Variants in FSTL5 observed in about 807,000 individuals in gnomAD.
The protein encoded by FSTL5 is follistatin like 5, also known as follistatin-related protein 5.
A neutral mutation model predicts 89.1 loss-of-function variants in FSTL5; 62 were observed. That is an observed-to-expected ratio of 0.70 (90% confidence interval 0.57 to 0.86). FSTL5 has a LOEUF of 0.86. FSTL5 is among the 40% of genes least tolerant of loss of function. The probability of loss-of-function intolerance (pLI) is 0.00; values close to 1 mark genes in which losing one functional copy is unlikely to be tolerated. For missense variants in FSTL5, 1,057 were observed against 1,001.6 expected, an observed-to-expected ratio of 1.06 and a Z score of -0.75; for synonymous variants, 383 against 346.2, an observed-to-expected ratio of 1.11 and a Z score of -1.18.
At chr4:161,493,259 G>A (rs1005831763) in intron 12 of FSTL5, among the ~76,000 whole-genome samples, 2 of 151,532 alleles carry the variant, frequency 1.3e-5, no homozygotes, top group Non-Finnish European at 2.9e-5. Flanking sequence ...AAAGTTATTA[G>A]AATTGTATAA....
intron 2 of FSTL5, among the ~76,000 whole-genome samples, chr4:162,074,836 G>A (rs181454309): frequency 2.2e-4 from 33 of 151,468 alleles, no homozygotes; most frequent in African/African-American, 6.3e-4. Flanking sequence ...ATTTAATACC[G>A]AACACTTAGC....
chr4:161,723,204 G>T (rs1002838056), intron 6 of FSTL5, among the ~76,000 whole-genome samples: 2 of 152,086 alleles, frequency 1.3e-5, no homozygotes, highest in Non-Finnish European at 2.9e-5. Context: ...TTTATAAATT[G>T]ATTTGATTAG....
At chr4:161,406,018 A>G (rs62325021) in intron 15 of FSTL5, among the ~76,000 whole-genome samples, 12,180 of 152,212 alleles carry the variant, frequency 0.08, 616 homozygotes, top group Non-Finnish European at 0.12. Context: ...CTTACCACAT[A>G]AGAAATTCTT....
At chr4:161,586,612 A>C (rs776876210) in intron 8 of FSTL5, among the ~76,000 whole-genome samples, 2 of 152,224 alleles carry the variant, frequency 1.3e-5, no homozygotes, top group Non-Finnish European at 2.9e-5. Context: ...TCTTTAAACT[A>C]TTCATTTATT....
At position 161,939,709 on chromosome 4, in the gene FSTL5, T is replaced by C. The variant is rs1350404664; in HGVS notation, c.161-19057A>G. 3.9e-5 allele frequency among the ~76,000 whole-genome samples: 6 copies of C among 151,978 alleles called. No individual in the cohort carries two copies. The East Asian group carries it at 7.7e-4, about 20-fold the overall frequency. On this transcript the variant is annotated intron_variant, in intron 3 of 15. Transcript: ENST00000306100. ...GTTCCATTTGACAGGAAATAAGGTG[T>C]CATTCTGAATTACTGAACAAGCACT...
At chr4:162,044,183 A>G (rs1420513681) in intron 2 of FSTL5, among the ~76,000 whole-genome samples, 1 of 152,198 alleles carries the variant, frequency 6.6e-6, no homozygotes, top group Admixed American at 6.6e-5. Flanking sequence ...TACAAAATAT[A>G]TTTCTAAAAT....
intron 7 of FSTL5, among the ~76,000 whole-genome samples, chr4:161,610,925 T>C (rs535142516): frequency 6.6e-6 from 1 of 151,944 alleles, no homozygotes; most frequent in South Asian, 2.1e-4. Context: ...TATCTAATTT[T>C]CACAGACCTT....
intron 6 of FSTL5, among the ~76,000 whole-genome samples, chr4:161,735,870 A>AT (rs1427290645): frequency 2.0e-5 from 3 of 152,144 alleles, no homozygotes; most frequent in Admixed American, 6.5e-5. Context: ...TATAAATCTT[A>AT]TTTTTTTCCT....
intron 4 of FSTL5, among the ~76,000 whole-genome samples, chr4:161,780,363 A>G (rs2126809250): frequency 6.6e-6 from 1 of 152,258 alleles, no homozygotes; most frequent in Middle Eastern, 3.4e-3. Context: ...TTACTTTGAT[A>G]GAATCATTTT....
intron 4 of FSTL5, among the ~76,000 whole-genome samples, chr4:161,800,506 T>G (rs888744942): frequency 6.6e-6 from 1 of 151,694 alleles, no homozygotes; most frequent in Admixed American, 6.6e-5. Flanking sequence ...GAGAAAATCT[T>G]CCTCAAGCTG....
At chr4:161,960,162 ATTTTTTTTT>A (rs34848383) in intron 3 of FSTL5, among the ~76,000 whole-genome samples, 1 of 98,404 alleles carries the variant, frequency 1.0e-5, no homozygotes, top group Non-Finnish European at 2.1e-5. Context: ...TTTTAATGTA[ATTTTTTTTT>A]TTTTTTTTTT....
At chr4:161,728,862 T>C (rs1739508836) in intron 6 of FSTL5, among the ~76,000 whole-genome samples, 1 of 152,194 alleles carries the variant, frequency 6.6e-6, no homozygotes, top group Non-Finnish European at 1.5e-5. Flanking sequence ...AGAAGTCTTC[T>C]TTCACATTGT....
chr4:161,812,361 T>TC (rs1730176492), intron 4 of FSTL5, among the ~76,000 whole-genome samples: 1 of 152,142 alleles, frequency 6.6e-6, no homozygotes, highest in Non-Finnish European at 1.5e-5. Flanking sequence ...GCAAGTACAG[T>TC]CCCCTGTGCA....
chr4:161,911,054 G>T (rs1407454495), intron 4 of FSTL5, among the ~76,000 whole-genome samples: 1 of 152,042 alleles, frequency 6.6e-6, no homozygotes. Context: ...AATTGGAAAA[G>T]AATCTTTGGA....
At chr4:161,392,063 T>C (rs1434114092) in intron 15 of FSTL5, among the ~76,000 whole-genome samples, 1 of 152,170 alleles carries the variant, frequency 6.6e-6, no homozygotes, top group Non-Finnish European at 1.5e-5. Context: ...TATTCTGATA[T>C]GTAGGGACTC....
intron 2 of FSTL5, among the ~76,000 whole-genome samples, chr4:162,081,892 G>A (rs1056667304): frequency 6.6e-6 from 1 of 151,254 alleles, no homozygotes; most frequent in Non-Finnish European, 1.5e-5. Flanking sequence ...ACAGAGCTCA[G>A]TAAACAAAAA....
At chr4:161,753,900 G>C (rs1385557411) in intron 6 of FSTL5, among the ~76,000 whole-genome samples, 2 of 151,832 alleles carry the variant, frequency 1.3e-5, no homozygotes, top group African/African-American at 2.4e-5. Flanking sequence ...AAATTAGCCG[G>C]GCGTGGTGGC....
intron 6 of FSTL5, among the ~76,000 whole-genome samples, chr4:161,679,199 A>C (rs1366242456): frequency 6.6e-6 from 1 of 151,706 alleles, no homozygotes; most frequent in Non-Finnish European, 1.5e-5. Context: ...AGAAGAAATA[A>C]AATAAATATT....
At position 161,779,772 on chromosome 4, in the gene FSTL5, T is replaced by TAC. The variant is rs1560840719; in HGVS notation, c.410-3699_410-3698insGT. ...TTATTTGTAAAGTTATATATATATA[T>TAC]ATGTATATATATATATATATATATA... On this transcript the variant is annotated intron_variant, in intron 4 of 15. Coordinates refer to ENST00000306100, the MANE Select transcript of FSTL5 (RefSeq NM_020116.5). Among the ~76,000 whole-genome samples, 56 of 12,232 alleles carry TAC rather than the reference T, an allele frequency of 4.6e-3. 1 individual carries two copies. The highest frequency in any genetic ancestry group is 0.056 in the Middle Eastern group (1 of 18). 8.0% of individuals were successfully genotyped at this position (12,232 alleles called of 152,430 possible). A position where few individuals can be genotyped will look rare whatever the true frequency, so the allele number is the denominator to read the frequency against.
Sources: allele counts gnomAD v4.1 joint callset (sites outside exome capture counted in the v4.1 genomes callset), GRCh38; gene constraint gnomAD v4.1.1; transcripts MANE v1.5; gene names NCBI Gene and HGNC (gene_info 2026-07-23, HGNC 2026-07-21).